HERC4: variants seen among roughly 807,000 people sequenced by gnomAD.
The protein encoded by HERC4 is probable E3 ubiquitin-protein ligase HERC4.
In HERC4, 28 loss-of-function variants were observed where a neutral mutation model predicts 124.3. The observed-to-expected ratio is 0.23, with a 90% CI of 0.17 to 0.31. The LOEUF (loss-of-function observed/expected upper bound fraction) is 0.31. HERC4 is among the 10% of genes least tolerant of loss of function. The pLI, the probability that HERC4 is intolerant of heterozygous loss-of-function variation, is 1.00. For missense variants in HERC4, 713 were observed against 1,229.3 expected (o/e 0.58, Z 6.28); for synonymous variants, 407 against 421.5 (o/e 0.97, Z 0.42).
intron 7 of HERC4, among the ~76,000 whole-genome samples, chr10:68,029,746 GTTT>G (rs986210401): frequency 1.4e-5 from 2 of 138,370 alleles, no homozygotes; most frequent in Admixed American, 7.3e-5. Context: ...ATAACACTTT[GTTT>G]TTTTTTTTTG....
chr10:68,001,543 G>A (rs2037233204), intron 9 of HERC4, among the ~76,000 whole-genome samples: 1 of 152,146 alleles, frequency 6.6e-6, no homozygotes, highest in South Asian at 2.1e-4. Context: ...TGAGTACAGT[G>A]CAAAAAGATT....
At chr10:67,957,423 TTA>T (rs1441730718) in intron 16 of HERC4, among the ~76,000 whole-genome samples, 2 of 152,210 alleles carry the variant, frequency 1.3e-5, no homozygotes, top group Non-Finnish European at 2.9e-5. Flanking sequence ...ATCAAAATTA[TTA>T]TGAGTCCAAT....
At chr10:67,983,070 C>T (rs2036031176) in intron 15 of HERC4, among the ~76,000 whole-genome samples, 1 of 138,736 alleles carries the variant, frequency 7.2e-6, no homozygotes, top group Non-Finnish European at 1.5e-5. Flanking sequence ...GGAGGTTGCA[C>T]TGAGCAAAAA....
chr10:68,029,641 T>TA (rs1256698979), intron 7 of HERC4, among the ~76,000 whole-genome samples: 2 of 150,272 alleles, frequency 1.3e-5, no homozygotes, highest in Non-Finnish European at 3.0e-5. Context: ...ACTAACTTGT[T>TA]AGTTTTCAAT....
intron 15 of HERC4, among the ~76,000 whole-genome samples, chr10:67,972,719 TGAGA>T (rs2035324269): frequency 6.6e-6 from 1 of 152,060 alleles, no homozygotes; most frequent in African/African-American, 2.4e-5. Flanking sequence ...CAAGCACTGC[TGAGA>T]GAAACTGAAG....
At chr10:68,012,553 A>G (rs1477523488) in intron 9 of HERC4, among the ~76,000 whole-genome samples, 1 of 152,236 alleles carries the variant, frequency 6.6e-6, no homozygotes, top group East Asian at 1.9e-4. Flanking sequence ...CAGTCAGAAC[A>G]TAAACATTTA....
At chr10:67,966,647 A>G (rs1217950498) in intron 16 of HERC4, 36 bp downstream of exon 16, 4 of 1,589,358 alleles carry the variant, frequency 2.5e-6, no homozygotes, top group Non-Finnish European at 3.4e-6. Context: ...ATACATATAC[A>G]TAAAAATGAA....
At chr10:67,966,555 T>C in intron 16 of HERC4, 128 bp downstream of exon 16, 2 of 801,146 alleles carry the variant, frequency 2.5e-6, no homozygotes, top group South Asian at 3.5e-5. Flanking sequence ...AATGTGTTAT[T>C]ATTTAAAAAG....
intron 7 of HERC4, among the ~76,000 whole-genome samples, chr10:68,029,883 C>A (rs762659992): frequency 6.6e-6 from 1 of 151,020 alleles, no homozygotes; most frequent in East Asian, 2.0e-4. Flanking sequence ...GGATTACAGG[C>A]GCCTGCCACC....
intron 15 of HERC4, among the ~76,000 whole-genome samples, chr10:67,967,831 G>A (rs1564975728): frequency 6.6e-6 from 1 of 151,254 alleles, no homozygotes; most frequent in African/African-American, 2.4e-5. Flanking sequence ...TCACAATGAG[G>A]AAACAATCAG....
intron 5 of HERC4, among the ~76,000 whole-genome samples, chr10:68,037,792 G>T (rs1302628047): frequency 6.6e-6 from 1 of 152,106 alleles, no homozygotes; most frequent in African/African-American, 2.4e-5. Flanking sequence ...ATTAAAGGGA[G>T]ACTTAAATGG....
intron 20 of HERC4, among the ~76,000 whole-genome samples, 199 bp from the exon 21 acceptor site, chr10:67,939,853 G>A (rs1399281146): frequency 6.6e-6 from 1 of 151,978 alleles, no homozygotes; most frequent in Admixed American, 6.6e-5. Context: ...AAAAAAATTA[G>A]TAAAAGGTTC....
At chr10:67,991,499 G>A (rs2036550078) in intron 11 of HERC4, among the ~76,000 whole-genome samples, 1 of 152,038 alleles carries the variant, frequency 6.6e-6, no homozygotes, top group South Asian at 2.1e-4. Context: ...CATGTAAAAA[G>A]TTTTTTAATT....
intron 3 of HERC4, among the ~76,000 whole-genome samples, chr10:68,064,970 CAA>C (rs773557069): frequency 4.2e-5 from 4 of 96,232 alleles, no homozygotes; most frequent in African/African-American, 7.9e-5. Flanking sequence ...GGCTCCATCT[CAA>C]AAAAAAAAAA....
At chr10:67,984,702 C>T (rs912645754) in intron 15 of HERC4, among the ~76,000 whole-genome samples, 1 of 152,128 alleles carries the variant, frequency 6.6e-6, no homozygotes, top group Non-Finnish European at 1.5e-5. Flanking sequence ...CCTGCCTCAG[C>T]CTTCTGAATA....
intron 19 of HERC4, among the ~76,000 whole-genome samples, chr10:67,941,945 C>T (rs530046447): frequency 3.3e-5 from 5 of 152,068 alleles, no homozygotes; most frequent in African/African-American, 1.2e-4. Context: ...CGTGAGCCAC[C>T]GTGCCTGGCC....
At chr10:68,022,460 T>C (rs533796239) in intron 8 of HERC4, among the ~76,000 whole-genome samples, 4 of 151,670 alleles carry the variant, frequency 2.6e-5, no homozygotes, top group African/African-American at 9.7e-5. Context: ...GATCATGCCA[T>C]TGCATTCCAG....
At chr10:68,058,430 G>C (rs777471744) in intron 3 of HERC4, among the ~76,000 whole-genome samples, 1 of 152,070 alleles carries the variant, frequency 6.6e-6, no homozygotes, top group Non-Finnish European at 1.5e-5. Flanking sequence ...TTCCCTACAG[G>C]ACAATATACA....
At chr10:67,981,723 C>T (rs776125256) in intron 15 of HERC4, among the ~76,000 whole-genome samples, 11 of 152,116 alleles carry the variant, frequency 7.2e-5, no homozygotes, top group Non-Finnish European at 1.5e-4. Context: ...TTTGGGAGGC[C>T]AAGGCGGGTG....
Sources: gnomAD v4.1 joint callset for allele counts (sites outside exome capture counted in the v4.1 genomes callset) on GRCh38, gnomAD v4.1.1 for gene constraint, MANE v1.5 for transcripts, NCBI Gene and HGNC (gene_info 2026-07-23, HGNC 2026-07-21) for gene names.